ENKUR: variants seen among roughly 807,000 people sequenced by gnomAD.
The protein encoded by ENKUR is enkurin, TRPC channel interacting protein.
In ENKUR, 19 loss-of-function variants were observed where a neutral mutation model predicts 27.6. The ratio of observed to expected loss-of-function variants is 0.69; its 90% CI spans 0.48 to 1.01. The LOEUF (loss-of-function observed/expected upper bound fraction) is 1.01, where lower values mean the gene tolerates loss of function less well. Ranked by LOEUF, ENKUR falls within the 50% of genes least tolerant of loss-of-function variation. The pLI, the probability that ENKUR is intolerant of heterozygous loss-of-function variation, is 0.00. For missense variants in ENKUR, 312 were observed against 310.5 expected (o/e 1.00, Z -0.04); for synonymous variants, 117 against 96.9 (o/e 1.21, Z -1.22).
chr10:24,992,098 G>C (rs566257908), intron 3 of ENKUR, among the ~76,000 whole-genome samples: 1 of 152,308 alleles, frequency 6.6e-6, no homozygotes, highest in East Asian at 1.9e-4. Context: ...AAATGCGTTT[G>C]ATTTCACCAT....
intron 2 of ENKUR, among the ~76,000 whole-genome samples, chr10:24,999,082 A>G (rs1471249789): frequency 6.6e-6 from 1 of 152,182 alleles, no homozygotes; most frequent in East Asian, 1.9e-4. Context: ...TTAGTCAGAT[A>G]CTGTCCCTGG....
At chr10:25,012,090 C>T (rs185229461) in intron 1 of ENKUR, among the ~76,000 whole-genome samples, 96 of 152,350 alleles carry the variant, frequency 6.3e-4, no homozygotes, top group African/African-American at 2.0e-3. Flanking sequence ...TCAGAGGGTG[C>T]GAGCCCCAAG....
At chr10:25,010,607 A>G (rs1449169764) in intron 1 of ENKUR, among the ~76,000 whole-genome samples, 12 of 132,178 alleles carry the variant, frequency 9.1e-5, no homozygotes, top group African/African-American at 3.5e-4. Flanking sequence ...CCCCCACCCC[A>G]CAACAGTCCC....
At chr10:24,985,074 T>C (rs1849752382) in intron 4 of ENKUR, among the ~76,000 whole-genome samples, 169 bp from the exon 5 acceptor site, 1 of 152,334 alleles carries the variant, frequency 6.6e-6, no homozygotes, top group East Asian at 1.9e-4. Flanking sequence ...CCAAAAATAC[T>C]GTACAGAGGC....
At chr10:24,985,080 GA>G (rs1299993740) in intron 4 of ENKUR, among the ~76,000 whole-genome samples, 175 bp from the exon 5 acceptor site, 2 of 152,192 alleles carry the variant, frequency 1.3e-5, no homozygotes, top group African/African-American at 4.8e-5. Context: ...ATACTGTACA[GA>G]GGCCAAATCC....
intron 1 of ENKUR, among the ~76,000 whole-genome samples, chr10:25,011,907 G>A (rs961394648): frequency 6.6e-6 from 1 of 152,202 alleles, no homozygotes; most frequent in African/African-American, 2.4e-5. Flanking sequence ...TGTCTCCAGA[G>A]CCTGTCAGAG....
intron 2 of ENKUR, among the ~76,000 whole-genome samples, chr10:25,029,348 G>T (rs1015249288): frequency 5.3e-5 from 8 of 152,014 alleles, no homozygotes; most frequent in African/African-American, 1.9e-4. Flanking sequence ...TGAGAAAAAT[G>T]AGATTTTTAA....
At chr10:24,988,688 A>ATGTGTATATATATGTG (rs1849852053) in intron 4 of ENKUR, among the ~76,000 whole-genome samples, 1 of 29,166 alleles carries the variant, frequency 3.4e-5, no homozygotes, top group Admixed American at 4.1e-4. Context: ...ATATATATAT[A>ATGTGTATATATATGTG]TATATATATA....
Position 25,041,108 on chromosome 10 carries a change from C to CT in ENKUR, c.37+20003dup, listed in dbSNP as rs566335194. 1.1e-3 allele frequency among the ~76,000 whole-genome samples: 168 copies of CT among 152,134 alleles called. 1 individual carries two copies. The highest frequency in any genetic ancestry group is 1.5e-3 in the Non-Finnish European group (102 of 67,992). The stretch of plus-strand genomic sequence containing the variant: ...GCATCCTATGTGTACATTTTAGTCA[C>CT]TTTTTTTTCATTTATTCACGACCAA... On this transcript the variant is annotated intron_variant, in intron 2 of 5. Coordinates refer to the ENKUR transcript ENST00000615958.
chr10:24,985,924 C>T (rs114539115), intron 4 of ENKUR, among the ~76,000 whole-genome samples: 2,544 of 152,098 alleles, frequency 0.017, 77 homozygotes, highest in African/African-American at 0.059. Context: ...AAAAAATAGC[C>T]AGGTGTGGTA....
intron 2 of ENKUR, among the ~76,000 whole-genome samples, chr10:25,042,563 G>A (rs1416523805): frequency 6.6e-6 from 1 of 152,056 alleles, no homozygotes; most frequent in Non-Finnish European, 1.5e-5. Context: ...CCAAATTGCT[G>A]AGATTACAGA....
intron 3 of ENKUR, among the ~76,000 whole-genome samples, chr10:24,993,381 G>A (rs1192950783): frequency 6.6e-6 from 1 of 152,200 alleles, no homozygotes; most frequent in Admixed American, 6.5e-5. Flanking sequence ...ACAACCCTGT[G>A]ATAAATCCAA....
intron 2 of ENKUR, among the ~76,000 whole-genome samples, chr10:25,038,500 C>T (rs772496849): frequency 6.6e-6 from 1 of 152,194 alleles, no homozygotes; most frequent in Non-Finnish European, 1.5e-5. Flanking sequence ...CTGTTTATAA[C>T]TCTATAAAAT....
chr10:24,996,605 T>C (rs1356631479), intron 2 of ENKUR, among the ~76,000 whole-genome samples: 1 of 152,180 alleles, frequency 6.6e-6, no homozygotes, highest in African/African-American at 2.4e-5. Context: ...AAATGTGAAA[T>C]AATTTATTTT....
chr10:25,024,788 T>A lies in ENKUR; in HGVS notation c.38-28919A>T, dbSNP rs769138186. 2.5e-6 allele frequency: 4 copies of A among 1,614,194 alleles called. No homozygotes were observed. The Admixed American group carries it at 5.0e-5, about 20-fold the overall frequency. On this transcript the variant is annotated intron_variant, in intron 2 of 5. Transcript: ENST00000615958. ...ATTTTAGCAGCAGTGTATGCCAAAA[T>A]GATGGGAATCCCGATTCGAAAATTT...
At chr10:25,044,246 A>T (rs182856998) in intron 2 of ENKUR, among the ~76,000 whole-genome samples, 1 of 152,296 alleles carries the variant, frequency 6.6e-6, no homozygotes, top group East Asian at 1.9e-4. Context: ...AATTTCTTGC[A>T]TATAACTTTG....
At chr10:24,994,006 C>A (rs1367357877) in intron 3 of ENKUR, among the ~76,000 whole-genome samples, 1 of 152,044 alleles carries the variant, frequency 6.6e-6, no homozygotes, top group Non-Finnish European at 1.5e-5. Flanking sequence ...TTCCAGGGGC[C>A]ACAGAAGGAG....
chr10:24,999,586 A>G, intron 1 of ENKUR, 40 bp from the exon 2 acceptor site: 1 of 1,511,166 alleles, frequency 6.6e-7, no homozygotes, highest in Non-Finnish European at 9.0e-7. Flanking sequence ...TTATACTTCT[A>G]GTAAAAATTA....
At chr10:25,054,895 G>A (rs1376364572) in intron 2 of ENKUR, among the ~76,000 whole-genome samples, 2 of 152,082 alleles carry the variant, frequency 1.3e-5, no homozygotes, top group East Asian at 1.9e-4. Context: ...AACAGATCTC[G>A]AACTCCTGAG....
Sources: allele counts gnomAD v4.1 joint callset (sites outside exome capture counted in the v4.1 genomes callset), GRCh38; gene constraint gnomAD v4.1.1; transcripts MANE v1.5; gene names NCBI Gene and HGNC (gene_info 2026-07-23, HGNC 2026-07-21).